The following TAFA1 variants were observed in gnomAD, a reference collection of about 807,000 sequenced individuals.
TAFA1 encodes the protein chemokine-like protein TAFA-1.
TAFA1 carries 4 observed loss-of-function variants against 18.5 expected under a neutral mutation model. That is an observed-to-expected ratio of 0.22 (90% confidence interval 0.11 to 0.49). TAFA1 has a LOEUF of 0.49. Among genes scored for constraint, TAFA1 ranks in the 20% least tolerant of loss-of-function variants. The pLI is 0.98. For missense variants in TAFA1, 147 were observed against 169.0 expected (o/e 0.87, Z 0.72); for synonymous variants, 56 against 55.2 (o/e 1.01, Z -0.06).
chr3:68,217,333 G>GA (rs1273129861), intron 2 of TAFA1, among the ~76,000 whole-genome samples: 2 of 151,394 alleles, frequency 1.3e-5, no homozygotes, highest in African/African-American at 4.8e-5. Flanking sequence ...TCTAATTATG[G>GA]AAAAAAATCA....
intron 2 of TAFA1, among the ~76,000 whole-genome samples, chr3:68,242,048 C>G (rs1215082807): frequency 1.3e-5 from 2 of 152,154 alleles, no homozygotes; most frequent in Non-Finnish European, 2.9e-5. Flanking sequence ...ACACCTTGCC[C>G]TGCCTAAGTC....
chr3:68,540,050 A>G (rs2073347480), intron 4 of TAFA1, among the ~76,000 whole-genome samples: 2 of 152,038 alleles, frequency 1.3e-5, no homozygotes, highest in African/African-American at 4.8e-5. Context: ...ATTAATCTTG[A>G]CTTACTCTTT....
At chr3:68,021,185 CAAAAAA>C (rs10610707) in intron 2 of TAFA1, among the ~76,000 whole-genome samples, 69 of 56,090 alleles carry the variant, frequency 1.2e-3, no homozygotes, top group African/African-American at 4.3e-3. Flanking sequence ...GACCCTGTCT[CAAAAAA>C]AAAAAAAAAA....
rs959906215 is a variant in TAFA1 at position 68,372,764 on chromosome 3, C to G, written c.119-44516C>G. Among the ~76,000 whole-genome samples, 13 of 151,866 alleles carry G rather than the reference C, an allele frequency of 8.6e-5. No homozygotes were observed. In the Middle Eastern group the frequency reaches 0.01, roughly 119 times the overall value. ...AAATGAAATAGCAGAATCAATCAGACAGAAAACAATACATTTAGCACTAAG... is the reference window on the plus strand; with the variant it reads ...AAATGAAATAGCAGAATCAATCAGAGAGAAAACAATACATTTAGCACTAAG... On this transcript the variant is annotated intron_variant, in intron 2 of 4. Transcript: ENST00000478136.
intron 2 of TAFA1, among the ~76,000 whole-genome samples, chr3:68,367,898 A>G (rs1349249474): frequency 6.6e-6 from 1 of 152,198 alleles, no homozygotes. Flanking sequence ...GAGTGGTTCT[A>G]TTGTTTGTGT....
chr3:68,435,041 T>G (rs1251489013), intron 3 of TAFA1, among the ~76,000 whole-genome samples: 1 of 152,064 alleles, frequency 6.6e-6, no homozygotes, highest in African/African-American at 2.4e-5. Flanking sequence ...TGCAAAGTTG[T>G]GTGATGTGTG....
intron 2 of TAFA1, among the ~76,000 whole-genome samples, chr3:68,120,928 C>T (rs373892220): frequency 5.9e-5 from 9 of 152,270 alleles, no homozygotes; most frequent in African/African-American, 1.9e-4. Context: ...TTTATGGACA[C>T]ATACCTGAGG....
chr3:68,221,577 C>T (rs2066731315), intron 2 of TAFA1, among the ~76,000 whole-genome samples: 1 of 152,140 alleles, frequency 6.6e-6, no homozygotes, highest in Non-Finnish European at 1.5e-5. Context: ...AATATTCCTC[C>T]TCTTTCACCC....
At chr3:68,283,286 G>A (rs2067934122) in intron 2 of TAFA1, among the ~76,000 whole-genome samples, 1 of 152,128 alleles carries the variant, frequency 6.6e-6, no homozygotes, top group Admixed American at 6.6e-5. Flanking sequence ...CATATGACTG[G>A]AGATTCAGTC....
At chr3:68,362,259 G>A (rs949348944) in intron 2 of TAFA1, among the ~76,000 whole-genome samples, 4 of 152,100 alleles carry the variant, frequency 2.6e-5, no homozygotes, top group African/African-American at 9.7e-5. Flanking sequence ...GGTGTGTATT[G>A]GGCACAAGCC....
chr3:68,085,042 A>G (rs2064954434), intron 2 of TAFA1, among the ~76,000 whole-genome samples: 1 of 152,216 alleles, frequency 6.6e-6, no homozygotes, highest in East Asian at 1.9e-4. Flanking sequence ...CACTATAAAC[A>G]TGTGTGTTCA....
At chr3:68,408,682 A>G (rs73101185) in intron 2 of TAFA1, among the ~76,000 whole-genome samples, 4,269 of 151,674 alleles carry the variant, frequency 0.028, 69 homozygotes, top group Middle Eastern at 0.044. Context: ...TAAATGTGTG[A>G]CTGCCCACTA....
chr3:67,996,891 G>T, the TAFA1 span, among the ~76,000 whole-genome samples: 2 of 152,148 alleles, frequency 1.3e-5, no homozygotes, highest in Admixed American at 1.3e-4. Flanking sequence ...ATAAAAGATA[G>T]TCTAGTGGAG....
chr3:68,196,467 A>C (rs1473580530), intron 2 of TAFA1, among the ~76,000 whole-genome samples: 2 of 151,876 alleles, frequency 1.3e-5, no homozygotes, highest in African/African-American at 4.8e-5. Context: ...CCTGCTTTCC[A>C]ATGTGCACTC....
At chr3:68,414,478 T>A (rs893710458) in intron 2 of TAFA1, among the ~76,000 whole-genome samples, 1 of 152,122 alleles carries the variant, frequency 6.6e-6, no homozygotes, top group African/African-American at 2.4e-5. Context: ...AAGCCTGAGT[T>A]TTGGGATCTA....
At chr3:68,519,292 C>T (rs1280373362) in intron 3 of TAFA1, among the ~76,000 whole-genome samples, 1 of 152,192 alleles carries the variant, frequency 6.6e-6, no homozygotes, top group Non-Finnish European at 1.5e-5. Context: ...GAGAAGACGT[C>T]ATCTATAAAC....
At chr3:68,509,297 C>T (rs963878176) in intron 3 of TAFA1, among the ~76,000 whole-genome samples, 1 of 152,014 alleles carries the variant, frequency 6.6e-6, no homozygotes, top group African/African-American at 2.4e-5. Context: ...CATTAGAGTT[C>T]GTTTCATGTC....
chr3:68,324,671 T>C (rs1315260718), intron 2 of TAFA1, among the ~76,000 whole-genome samples: 2 of 152,176 alleles, frequency 1.3e-5, no homozygotes, highest in Admixed American at 1.3e-4. Context: ...AATTAGTATT[T>C]GGGAGGCTAA....
intron 2 of TAFA1, among the ~76,000 whole-genome samples, chr3:68,047,600 T>C (rs1167670287): frequency 1.3e-5 from 2 of 152,026 alleles, no homozygotes; most frequent in Non-Finnish European, 2.9e-5. Context: ...AACAGCTGAG[T>C]GGATTGGTTA....
Sources: allele counts gnomAD v4.1 joint callset (sites outside exome capture counted in the v4.1 genomes callset), GRCh38; gene constraint gnomAD v4.1.1; transcripts MANE v1.5; gene names NCBI Gene and HGNC (gene_info 2026-07-23, HGNC 2026-07-21).